The following RANBP2 variants were observed in gnomAD, a reference collection of about 807,000 sequenced individuals.
RANBP2 encodes E3 SUMO-protein ligase RanBP2.
RANBP2 carries 57 observed loss-of-function variants against 303.6 expected under a neutral mutation model. That is an observed-to-expected ratio of 0.19 (90% CI 0.15 to 0.23). The LOEUF (loss-of-function observed/expected upper bound fraction) is 0.23. Among genes scored for constraint, RANBP2 ranks in the 10% least tolerant of loss-of-function variants. The pLI is 1.00. For missense variants in RANBP2, 3,138 were observed against 3,780.8 expected, an observed-to-expected ratio of 0.83 and a Z score of 4.46; for synonymous variants, 1,167 against 1,301.5, an observed-to-expected ratio of 0.90 and a Z score of 2.23.
At chr2:109,088,039 C>T in the RANBP2 span, among the ~76,000 whole-genome samples, 17 of 152,008 alleles carry the variant, frequency 1.1e-4, no homozygotes, top group Non-Finnish European at 2.1e-4. Context: ...CCAAGGCGGG[C>T]GGATCATCAA....
the RANBP2 span, chr2:109,758,846 A>T: frequency 2.7e-5 from 4 of 146,476 alleles, no homozygotes; most frequent in African/African-American, 1.0e-4. Context: ...TGTACCCAGG[A>T]AAAAGAAATG....
chr2:108,729,415 G>A (rs905240216), intron 2 of RANBP2, among the ~76,000 whole-genome samples: 10 of 152,164 alleles, frequency 6.6e-5, no homozygotes, highest in Admixed American at 3.3e-4. Context: ...TTTATACCAA[G>A]GGCAAGAAAT....
At chr2:108,752,772 T>G (rs201112299) in intron 12 of RANBP2, among the ~76,000 whole-genome samples, 16 of 151,144 alleles carry the variant, frequency 1.1e-4, no homozygotes, top group African/African-American at 3.9e-4. Context: ...CAGCCTGGGC[T>G]ACAGAGCAAG....
chr2:109,306,195 C>G, the RANBP2 span, among the ~76,000 whole-genome samples: 1 of 152,178 alleles, frequency 6.6e-6, no homozygotes. Flanking sequence ...CAGAGCAGAC[C>G]GTCTTTCAGA....
chr2:109,314,355 C>T, the RANBP2 span, among the ~76,000 whole-genome samples: 1 of 152,182 alleles, frequency 6.6e-6, no homozygotes, highest in Admixed American at 6.5e-5. Flanking sequence ...CAGAAAATGG[C>T]TCCGTTGAAG....
chr2:108,958,552 C>G, the RANBP2 span, among the ~76,000 whole-genome samples: 2 of 152,138 alleles, frequency 1.3e-5, no homozygotes, highest in Admixed American at 6.5e-5. Context: ...CCAGGACGCA[C>G]AGTAGAGAGG....
chr2:109,275,684 G>A, the RANBP2 span, among the ~76,000 whole-genome samples: 2 of 152,142 alleles, frequency 1.3e-5, no homozygotes, highest in Admixed American at 6.5e-5. Flanking sequence ...CTTGATTAGC[G>A]CGTCCTTTTA....
In RANBP2 at chr2:108,782,805, A is replaced by C. The variant is rs773373257; in HGVS notation, c.9312A>C (p.Lys3104Asn). The change falls in exon 28 of 29, where the codon AAA becomes AAC. Residue 3104 changes from lysine (K) to asparagine (N), a missense_variant. Coordinates refer to ENST00000283195, the MANE Select transcript of RANBP2 (RefSeq NM_006267.5). ...TCAGAGCACTATGCACTGGAGAGAA[A>C]GGCTTTGGTTTCAAGAATTCCATTT... The part of the protein sequence containing the change: ...ENFRALCTGE[K>N]GFGFKNSIFH... 2.5e-5 allele frequency: 41 copies of C among 1,614,042 alleles called. 1 individual carries two copies. In the South Asian group the frequency reaches 4.5e-4, roughly 18 times the overall value.
chr2:109,518,189 C>T, the RANBP2 span, among the ~76,000 whole-genome samples: 7 of 152,350 alleles, frequency 4.6e-5, no homozygotes, highest in South Asian at 1.4e-3. Flanking sequence ...TTTCTGGTTT[C>T]CTTCTATTCA....
the RANBP2 span, among the ~76,000 whole-genome samples, chr2:109,439,773 T>C: frequency 4.0e-5 from 6 of 151,270 alleles, no homozygotes; most frequent in African/African-American, 1.5e-4. Context: ...CAAGGCACCC[T>C]GCAGGGGTCT....
the RANBP2 span, among the ~76,000 whole-genome samples, chr2:108,893,216 C>CTTGT: frequency 6.6e-6 from 1 of 151,810 alleles, no homozygotes; most frequent in South Asian, 2.1e-4. Context: ...TTTTAAACTT[C>CTTGT]CTGTTACTTG....
At chr2:109,735,100 C>T in the RANBP2 span, among the ~76,000 whole-genome samples, 14 of 152,104 alleles carry the variant, frequency 9.2e-5, no homozygotes, top group South Asian at 2.1e-4. Context: ...AGCATTAGAA[C>T]GTTTTCCTTC....
chr2:108,734,574 C>A (rs886316695), intron 4 of RANBP2, among the ~76,000 whole-genome samples: 2 of 151,742 alleles, frequency 1.3e-5, no homozygotes, highest in African/African-American at 4.8e-5. Flanking sequence ...CATTTTTTGC[C>A]TGACAGAAGA....
At chr2:109,484,882 C>T in the RANBP2 span, among the ~76,000 whole-genome samples, 1 of 152,132 alleles carries the variant, frequency 6.6e-6, no homozygotes, top group Admixed American at 6.5e-5. Flanking sequence ...ACATCTCTAC[C>T]CAGTGACAAC....
chr2:109,302,780 G>A, the RANBP2 span, among the ~76,000 whole-genome samples: 1 of 152,184 alleles, frequency 6.6e-6, no homozygotes, highest in Non-Finnish European at 1.5e-5. Context: ...CTCGGAGGCT[G>A]AAATAAGTTA....
the RANBP2 span, among the ~76,000 whole-genome samples, chr2:108,973,695 C>T: frequency 3.3e-5 from 5 of 152,298 alleles, no homozygotes; most frequent in South Asian, 8.3e-4. Context: ...GTGACCGCTG[C>T]CTGTTCTGAC....
chr2:109,691,150 A>T, the RANBP2 span, among the ~76,000 whole-genome samples: 1 of 152,198 alleles, frequency 6.6e-6, no homozygotes, highest in Non-Finnish European at 1.5e-5. Context: ...AGTGTTTACA[A>T]TAGCCCTTGC....
the RANBP2 span, chr2:108,908,163 G>A: frequency 2.3e-6 from 2 of 868,340 alleles, no homozygotes; most frequent in African/African-American, 1.7e-5. Context: ...TGGGCACCTT[G>A]TGGGCACGGG....
chr2:109,536,396 T>C, the RANBP2 span, among the ~76,000 whole-genome samples: 224 of 152,314 alleles, frequency 1.5e-3, no homozygotes, highest in Non-Finnish European at 2.6e-3. Context: ...AGCTTTAAGA[T>C]TTGACTGCCC....
Sources: gnomAD v4.1 joint callset for allele counts (sites outside exome capture counted in the v4.1 genomes callset) on GRCh38, gnomAD v4.1.1 for gene constraint, MANE v1.5 for transcripts, NCBI Gene and HGNC (gene_info 2026-07-23, HGNC 2026-07-21) for gene names.